GPR149: variants seen among roughly 807,000 people sequenced by gnomAD.
GPR149 encodes the protein G protein-coupled receptor 149, also known as probable G protein-coupled receptor 149.
A neutral mutation model predicts 50.2 loss-of-function variants in GPR149; 50 were observed. The observed-to-expected ratio is 1.00, with a 90% CI of 0.79 to 1.26. The LOEUF is 1.26. Ranked by LOEUF, GPR149 falls within the 50% of genes most tolerant of loss-of-function variation. The pLI is 0.00. For missense variants in GPR149, 983 were observed against 895.4 expected (o/e 1.10, Z -1.25); for synonymous variants, 405 against 358.2 (o/e 1.13, Z -1.48).
intron 2 of GPR149, among the ~76,000 whole-genome samples, chr3:154,427,034 C>A (rs564107342): frequency 6.6e-6 from 1 of 152,136 alleles, no homozygotes; most frequent in Non-Finnish European, 1.5e-5. Flanking sequence ...AACAAAAATG[C>A]CTTTCTTTAC....
chr3:154,351,335 A>T (rs981665987), intron 3 of GPR149, among the ~76,000 whole-genome samples: 117 of 148,902 alleles, frequency 7.9e-4, no homozygotes, highest in African/African-American at 2.6e-3. Context: ...AAAAAAAAAA[A>T]AAAAAAAAAA....
chr3:154,406,086 G>T (rs910286181), intron 3 of GPR149, among the ~76,000 whole-genome samples: 1 of 151,706 alleles, frequency 6.6e-6, no homozygotes, highest in Admixed American at 6.6e-5. Flanking sequence ...TGAAGAAAAA[G>T]AAATCTCTAT....
chr3:154,367,977 C>T lies in GPR149; in HGVS notation c.1624-29706G>A, dbSNP rs188733293. 5.3e-5 allele frequency among the ~76,000 whole-genome samples: 8 copies of T among 152,332 alleles called. No homozygotes were observed. In the South Asian group the frequency reaches 1.2e-3, roughly 24 times the overall value. On this transcript the variant is annotated intron_variant, in intron 3 of 3. Transcript: ENST00000389740. ...TAGCGCGGCCGCCGGACTAAAGACA[C>T]GGGTGTCAGGCTGTCTGGAAAAGGG...
chr3:154,402,761 T>C (rs1183590723), intron 3 of GPR149, among the ~76,000 whole-genome samples: 1 of 152,172 alleles, frequency 6.6e-6, no homozygotes, highest in Non-Finnish European at 1.5e-5. Flanking sequence ...CTCACTGAAG[T>C]ACAGCTAATT....
At chr3:154,343,838 A>C (rs1195705196) in intron 3 of GPR149, among the ~76,000 whole-genome samples, 1 of 151,954 alleles carries the variant, frequency 6.6e-6, no homozygotes, top group African/African-American at 2.4e-5. Flanking sequence ...TTAGGTGGGC[A>C]TGGTAGTGTG....
At chr3:154,426,179 C>A (rs764339342) in intron 2 of GPR149, among the ~76,000 whole-genome samples, 4 of 152,228 alleles carry the variant, frequency 2.6e-5, no homozygotes, top group Middle Eastern at 3.4e-3. Context: ...AGAGACACAT[C>A]ATTATTATAA....
intron 3 of GPR149, among the ~76,000 whole-genome samples, chr3:154,362,383 G>A (rs1428471982): frequency 6.6e-6 from 1 of 151,578 alleles, no homozygotes; most frequent in Non-Finnish European, 1.5e-5. Context: ...AAGACATGGA[G>A]AAATATCTTG....
Position 154,334,947 on chromosome 3 carries a change from A to G in GPR149, c.*2752T>C, listed in dbSNP as rs959384835. The G allele has an allele frequency of 1.3e-5, 2 of 152,196 alleles. No homozygotes were observed. Among genetic ancestry groups the G allele is most frequent in the Admixed American group, 6.5e-5 (1 of 15,280 alleles). The allele number at this position is 152,196 out of a possible 1,614,324, so 9.4% of individuals were successfully genotyped here. A position where few individuals can be genotyped will look rare whatever the true frequency, so the allele number is the denominator to read the frequency against. On this transcript the variant is annotated 3_prime_UTR_variant, in exon 4 of 4. Transcript: ENST00000389740. ...ATCAAGAAAAGCTTCCAAAAAATGC[A>G]TAACTAAGACTCTTTTATTATATTT...
chr3:154,355,786 G>GA (rs1040579989), intron 3 of GPR149, among the ~76,000 whole-genome samples: 19 of 151,974 alleles, frequency 1.3e-4, no homozygotes, highest in Non-Finnish European at 2.4e-4. Flanking sequence ...ATGTTTGCAA[G>GA]AAAAAAATTT....
chr3:154,411,716 C>T, intron 3 of GPR149, among the ~76,000 whole-genome samples: 1 of 151,772 alleles, frequency 6.6e-6, no homozygotes, highest in Admixed American at 6.6e-5. Flanking sequence ...AAAAATTTGC[C>T]AACCAAAAAA....
chr3:154,348,762 G>A (rs1426822720), intron 3 of GPR149, among the ~76,000 whole-genome samples: 1 of 152,116 alleles, frequency 6.6e-6, no homozygotes. Context: ...ATCAACATTT[G>A]TAGAAAATGT....
chr3:154,421,375 G>A lies in GPR149; in HGVS notation c.1287C>T (p.Asn429=), dbSNP rs767291931. 22 of 1,612,334 alleles carry A rather than the reference G, an allele frequency of 1.4e-5. No individual in the cohort carries two copies. In the East Asian group the frequency reaches 2.2e-4, roughly 16 times the overall value. ...TAGTTTCACACTCAGAGTTCATCAG[G>A]TTGTGATAGAATATGGAATTTTCAT... ...DDDENSIFYH[N]LMNSECETTK... Residue 429 remains asparagine (N), a synonymous_variant, in exon 3 of 4, where the codon AAC becomes AAT. Coordinates refer to ENST00000389740, the MANE Select transcript of GPR149 (RefSeq NM_001038705.3).
Position 154,353,370 on chromosome 3 carries a change from G to A in GPR149, c.1624-15099C>T, listed in dbSNP as rs970003045. 4 of 1,388,328 alleles carry A rather than the reference G, an allele frequency of 2.9e-6. No individual in the cohort carries two copies. The Admixed American group carries it at 5.1e-5, about 18-fold the overall frequency. The allele number at this position is 1,388,328 out of a possible 1,614,324, so 86.0% of individuals were successfully genotyped here. On this transcript the variant is annotated intron_variant, in intron 3 of 3. Transcript: ENST00000389740. ...TGGGCAAGTTGCAGAAAAAAGTAAA[G>A]TCTGAGGATGGTCTTCAGATTCAGT... is the stretch of plus-strand genomic sequence containing the variant.
In GPR149 at chr3:154,428,781, C is replaced by T. The variant is rs1712387910; in HGVS notation, c.835G>A (p.Ala279Thr). Residue 279 changes from alanine to threonine, a missense_variant, in exon 1 of 4, where the codon GCG becomes ACG. Physicochemically the swap from Ala to Thr is moderately conservative, Grantham distance 58 (BLOSUM62 0). Transcript: ENST00000389740. The stretch of plus-strand genomic sequence containing the variant: ...GCTTCAGCCCCAGCGGCAGCGGGCG[C>T]ACCCGGTCCGAACACGGTGTCGGAG... ...PSSDTVFGPG[A>T]PAAAGAEACR... The T allele has an allele frequency of 6.2e-7, 1 of 1,613,886 alleles. No homozygotes were observed. The highest frequency in any genetic ancestry group is 8.5e-7 in the Non-Finnish European group (1 of 1,180,014).
chr3:154,395,028 T>C (rs1165365664), intron 3 of GPR149, among the ~76,000 whole-genome samples: 3 of 152,154 alleles, frequency 2.0e-5, no homozygotes, highest in Admixed American at 2.0e-4. Flanking sequence ...GGCAGAAATA[T>C]ATTGTCTTAA....
chr3:154,353,714 T>C (rs962590485), intron 3 of GPR149: 2 of 1,112,174 alleles, frequency 1.8e-6, no homozygotes, highest in African/African-American at 3.2e-5. Context: ...AGCAGCTTTT[T>C]AAAAATTGTT....
chr3:154,424,923 G>A (rs1171654812), intron 2 of GPR149, among the ~76,000 whole-genome samples: 1 of 150,570 alleles, frequency 6.6e-6, no homozygotes, highest in Non-Finnish European at 1.5e-5. Context: ...TATACAATGT[G>A]TTTGACATTT....
chr3:154,341,334 T>TATAA (rs1713795601), intron 3 of GPR149, among the ~76,000 whole-genome samples: 1 of 101,444 alleles, frequency 9.9e-6, no homozygotes, highest in African/African-American at 3.5e-5. Flanking sequence ...TATATATATA[T>TATAA]ATATATAAAA....
intron 3 of GPR149, among the ~76,000 whole-genome samples, chr3:154,365,900 C>A (rs1188547638): frequency 1.3e-5 from 2 of 152,190 alleles, no homozygotes; most frequent in African/African-American, 4.8e-5. Flanking sequence ...TACTGCTTTT[C>A]TCTTCTGAGA....
Sources: allele counts gnomAD v4.1 joint callset (sites outside exome capture counted in the v4.1 genomes callset), GRCh38; gene constraint gnomAD v4.1.1; transcripts MANE v1.5; gene names NCBI Gene and HGNC (gene_info 2026-07-23, HGNC 2026-07-21).